Variants in CARS2 observed in about 807,000 individuals in gnomAD.
The protein encoded by CARS2 is probable cysteine--tRNA ligase, mitochondrial.
CARS2 carries 52 observed loss-of-function variants against 68.8 expected under a neutral mutation model. That is an observed-to-expected ratio of 0.76 (90% CI 0.61 to 0.95). The LOEUF (loss-of-function observed/expected upper bound fraction) is 0.95, where lower values mean the gene tolerates loss of function less well. Among genes scored for constraint, CARS2 ranks in the 40% least tolerant of loss-of-function variants. The pLI is 0.00. For missense variants in CARS2, 780 were observed against 754.2 expected, an observed-to-expected ratio of 1.03 and a Z score of -0.40; for synonymous variants, 314 against 303.6, an observed-to-expected ratio of 1.03 and a Z score of -0.36.
chr13:110,690,407 T>C (rs1042720097), intron 3 of CARS2, among the ~76,000 whole-genome samples: 2 of 152,140 alleles, frequency 1.3e-5, no homozygotes, highest in Admixed American at 1.3e-4. Flanking sequence ...GTTATATATA[T>C]ACATTTGCAT....
At chr13:110,704,756 A>G (rs1429467864) in intron 2 of CARS2, among the ~76,000 whole-genome samples, 1 of 152,220 alleles carries the variant, frequency 6.6e-6, no homozygotes. Flanking sequence ...AAAAAAGTAT[A>G]CAGAGTAAAT....
chr13:110,646,988 T>A (rs1888218026), intron 11 of CARS2, 113 bp downstream of exon 11: 16 of 1,303,556 alleles, frequency 1.2e-5, no homozygotes, highest in Non-Finnish European at 1.5e-5. Flanking sequence ...ACCCCAAACC[T>A]CCTGTCCAGC....
intron 10 of CARS2, 37 bp from the exon 11 acceptor site, chr13:110,647,276 C>T (rs750704610): frequency 3.8e-6 from 6 of 1,597,244 alleles, no homozygotes; most frequent in East Asian, 2.2e-5. Flanking sequence ...GCGGTGCCCA[C>T]CATGCTGTGC....
chr13:110,707,796 A>G (rs1211406074), upstream of CARS2, among the ~76,000 whole-genome samples: 1 of 152,236 alleles, frequency 6.6e-6, no homozygotes, highest in East Asian at 1.9e-4. Context: ...TTTTATTAAA[A>G]AGCAAAGGTT....
chr13:110,679,681 A>AGGGG (rs1566713172), intron 6 of CARS2, among the ~76,000 whole-genome samples: 1 of 93,090 alleles, frequency 1.1e-5, no homozygotes, highest in African/African-American at 4.1e-5. Context: ...GGAGGGAGGG[A>AGGGG]GGGAAAGGGA....
chr13:110,712,615 A>T, intron 1 of CARS2: 1 of 416,354 alleles, frequency 2.4e-6, no homozygotes, highest in Non-Finnish European at 4.5e-6. Context: ...AAAATCCGGG[A>T]GCTTTGGGAG....
At position 110,705,860 on chromosome 13, in the gene CARS2, C is replaced by T. The variant is rs569593326; in HGVS notation, c.224+10G>A. 2.6e-6 allele frequency: 4 copies of T among 1,550,038 alleles called. No homozygotes were observed. In the African/African-American group the frequency reaches 5.4e-5, roughly 21 times the overall value. ...GGCCCCCGCCCGTGCCCCAGTCCCG[C>T]GCGGCCCACCAGGAGGCGGCTTCGG... On this transcript the variant is annotated intron_variant, in intron 1 of 14. Transcript: ENST00000257347. The surrounding 1 kb of genome is among the most constrained non-coding windows in gnomAD (Gnocchi z 4.0).
At chr13:110,657,400 G>A (rs183303958) in intron 9 of CARS2, among the ~76,000 whole-genome samples, 31 of 152,280 alleles carry the variant, frequency 2.0e-4, no homozygotes, top group Admixed American at 1.0e-3. Context: ...TTGGAGAAAC[G>A]GCAGGTCTGG....
intron 5 of CARS2, among the ~76,000 whole-genome samples, chr13:110,685,069 C>G (rs1456856250): frequency 6.6e-6 from 1 of 152,182 alleles, no homozygotes; most frequent in African/African-American, 2.4e-5. Flanking sequence ...GAACATTTAT[C>G]ACTTTATTCC....
chr13:110,703,776 A>G (rs1278986125), intron 2 of CARS2, among the ~76,000 whole-genome samples: 1 of 152,238 alleles, frequency 6.6e-6, no homozygotes, highest in African/African-American at 2.4e-5. Flanking sequence ...TCCTGGGAGG[A>G]GATGGGCCTA....
upstream of CARS2, among the ~76,000 whole-genome samples, chr13:110,706,782 T>TCCCAATACAGTGTGCAC (rs546237969): frequency 0.037 from 4,171 of 114,058 alleles, 84 homozygotes; most frequent in Non-Finnish European, 0.053. Context: ...CACATCAGCA[T>TCCCAATACAGTGTGCAC]CCCAATACAG....
At position 110,663,254 on chromosome 13, in the gene CARS2, G is replaced by A. The variant is rs12100172; in HGVS notation, c.987+197C>T. Among the ~76,000 whole-genome samples the A allele has an allele frequency of 0.033, 4,947 of 152,108 alleles. 292 individuals are homozygous for A. The highest frequency in any genetic ancestry group is 0.11 in the African/African-American group (4,674 of 41,456). On this transcript the variant is annotated intron_variant, in intron 9 of 14. Transcript: ENST00000257347. ...CAAGAAAGGGACTGCGGAAACCTGC[G>A]GGAGGCGCACAGCTGAGGGCGCGAT...
rs80180901 is a variant in CARS2 at position 110,681,238 on chromosome 13, TTG to T, written c.655+1811_655+1812del. 2.7e-3 allele frequency among the ~76,000 whole-genome samples: 406 copies of T among 152,288 alleles called. 1 individual carries two copies. The highest frequency in any genetic ancestry group is 1.7e-3 in the Non-Finnish European group (117 of 68,030). Reference sequence around the variant, plus strand: ...CATTTTTTAATGGTGTTTTCTATTGTTGTGTTATTACAACAATTTAAATTGAA... The same window carrying T: ...CATTTTTTAATGGTGTTTTCTATTGTTGTTATTACAACAATTTAAATTGAA... On this transcript the variant is annotated intron_variant, in intron 6 of 14. Coordinates refer to ENST00000257347, the MANE Select transcript of CARS2 (RefSeq NM_024537.4).
chr13:110,684,300 T>C (rs2063235440), intron 5 of CARS2, among the ~76,000 whole-genome samples: 1 of 152,158 alleles, frequency 6.6e-6, no homozygotes, highest in Admixed American at 6.5e-5. Context: ...TTTTTACTAA[T>C]GCAGTTACTG....
chr13:110,706,751 C>T (rs946617111), upstream of CARS2, among the ~76,000 whole-genome samples: 3 of 150,686 alleles, frequency 2.0e-5, no homozygotes, highest in Admixed American at 2.0e-4. Flanking sequence ...CACCCCAATA[C>T]ACAGTATGCA....
chr13:110,642,010 TGAC>T, intron 14 of CARS2, among the ~76,000 whole-genome samples: 1 of 152,272 alleles, frequency 6.6e-6, no homozygotes, highest in African/African-American at 2.4e-5. Context: ...GAGACCAGCC[TGAC>T]CCACGTGGAG....
rs1594204244 is a variant in CARS2 at position 110,642,954 on chromosome 13, T to C, written c.1417-433A>G. ...GTCTGAGATTCACAGCCTCAGGTGCTGAGGACGGGATTTGCGCAGAAGGCC... is the reference window on the plus strand; with the variant it reads ...GTCTGAGATTCACAGCCTCAGGTGCCGAGGACGGGATTTGCGCAGAAGGCC... On this transcript the variant is annotated intron_variant, in intron 13 of 14. Coordinates refer to ENST00000257347, the MANE Select transcript of CARS2 (RefSeq NM_024537.4). The C allele has an allele frequency of 7.9e-6, 3 of 377,508 alleles. No individual in the cohort carries two copies. The East Asian group carries it at 2.1e-4, about 26-fold the overall frequency. The allele number at this position is 377,508 out of a possible 1,614,324, so 23.4% of individuals were successfully genotyped here. A position where few individuals can be genotyped will look rare whatever the true frequency, so the allele number is the denominator to read the frequency against.
At chr13:110,707,737 A>G (rs1292164985), upstream of CARS2, 1 of 152,170 alleles carries the variant, frequency 6.6e-6, no homozygotes, top group Non-Finnish European at 1.5e-5. Context: ...TTCTCAAAAC[A>G]GGAGACGTTC....
At chr13:110,655,620 G>A (rs558848113) in intron 9 of CARS2, among the ~76,000 whole-genome samples, 3 of 152,192 alleles carry the variant, frequency 2.0e-5, no homozygotes, top group Non-Finnish European at 2.9e-5. Context: ...GAGAGAAGCC[G>A]GGCAACAGTG....
Sources: gnomAD v4.1 joint callset for allele counts (sites outside exome capture counted in the v4.1 genomes callset) on GRCh38, gnomAD v4.1.1 for gene constraint, Gnocchi (gnomAD v3.1) non-coding constraint, MANE v1.5 for transcripts, NCBI Gene and HGNC (gene_info 2026-07-23, HGNC 2026-07-21) for gene names.